Variants in LINGO2 observed in about 807,000 individuals in gnomAD.
LINGO2 encodes leucine rich repeat and Ig domain containing 2.
LINGO2 carries 14 observed loss-of-function variants against 30.6 expected under a neutral mutation model. That is an observed-to-expected ratio of 0.46 (90% CI 0.30 to 0.72). The LOEUF (loss-of-function observed/expected upper bound fraction) is 0.72, where lower values mean the gene tolerates loss of function less well. Among genes scored for constraint, LINGO2 ranks in the 30% least tolerant of loss-of-function variants. LINGO2 has a pLI of 0.07. For synonymous variants in LINGO2, 317 were observed against 288.5 expected (o/e 1.10, Z -1.00); for missense variants, 729 against 751.7 (o/e 0.97, Z 0.35).
At chr9:28,387,711 C>T (rs1821648985) in intron 2 of LINGO2, among the ~76,000 whole-genome samples, 2 of 152,158 alleles carry the variant, frequency 1.3e-5, no homozygotes, top group Non-Finnish European at 2.9e-5. Context: ...AGGTTTGCAG[C>T]TTCACTCCTG....
chr9:28,499,134 T>C (rs922474759), intron 1 of LINGO2, among the ~76,000 whole-genome samples: 44 of 152,276 alleles, frequency 2.9e-4, no homozygotes, highest in African/African-American at 9.9e-4. Flanking sequence ...GCTATAAAGT[T>C]TCCCTTCTTT....
At chr9:28,184,919 G>A (rs545067023) in intron 4 of LINGO2, among the ~76,000 whole-genome samples, 1 of 152,064 alleles carries the variant, frequency 6.6e-6, no homozygotes, top group Admixed American at 6.6e-5. Context: ...TACGGTGGCT[G>A]TTGAAAGAAA....
At chr9:28,680,202 G>A in the LINGO2 span, among the ~76,000 whole-genome samples, 10 of 151,960 alleles carry the variant, frequency 6.6e-5, no homozygotes, top group Non-Finnish European at 1.5e-4. Context: ...ACATATAAGT[G>A]AGATCATGAT....
chr9:28,630,052 G>A (rs552071855), intron 1 of LINGO2, among the ~76,000 whole-genome samples: 66 of 151,746 alleles, frequency 4.3e-4, no homozygotes, highest in Admixed American at 2.0e-3. Context: ...ATAGTTTACT[G>A]AGAATGATGA....
the LINGO2 span, among the ~76,000 whole-genome samples, chr9:28,830,930 G>A: frequency 2.0e-5 from 3 of 152,158 alleles, no homozygotes; most frequent in Non-Finnish European, 4.4e-5. Flanking sequence ...TCACACTAAC[G>A]TAATACAGAG....
Position 28,469,320 on chromosome 9 carries a change from T to A in LINGO2, c.-279+6620A>T, listed in dbSNP as rs189080322. On this transcript the variant is annotated intron_variant, in intron 2 of 5. Coordinates refer to ENST00000379992, the Ensembl canonical transcript of LINGO2. ...GTGAACAGAGCAGAACCTAAGGGACTTACAGTAAACCAATCAACAGACTGC... is the reference window on the plus strand; with the variant it reads ...GTGAACAGAGCAGAACCTAAGGGACATACAGTAAACCAATCAACAGACTGC... Among the ~76,000 whole-genome samples the A allele has an allele frequency of 1.3e-4, 20 of 149,600 alleles. No homozygotes were observed. The East Asian group carries it at 3.7e-3, about 28-fold the overall frequency.
the LINGO2 span, among the ~76,000 whole-genome samples, chr9:28,908,075 A>G: frequency 1.3e-5 from 2 of 151,900 alleles, no homozygotes; most frequent in African/African-American, 4.8e-5. Flanking sequence ...TTGCTTTTCA[A>G]TTTATTAATC....
chr9:28,381,198 G>A (rs1299459780), intron 2 of LINGO2, among the ~76,000 whole-genome samples: 2 of 151,406 alleles, frequency 1.3e-5, no homozygotes, highest in African/African-American at 2.4e-5. Context: ...CTTCAGAACA[G>A]AGCAAAAAAA....
At chr9:29,104,884 C>T in the LINGO2 span, among the ~76,000 whole-genome samples, 995 of 152,170 alleles carry the variant, frequency 6.5e-3, 15 homozygotes, top group African/African-American at 0.023. Context: ...ATAATCTAAA[C>T]TTTATGTAAG....
the LINGO2 span, among the ~76,000 whole-genome samples, chr9:28,753,473 T>C: frequency 2.6e-5 from 4 of 152,004 alleles, no homozygotes; most frequent in African/African-American, 7.3e-5. Context: ...CAAAGAAAGA[T>C]TGTATCCTAA....
the LINGO2 span, among the ~76,000 whole-genome samples, chr9:28,782,365 T>G: frequency 6.6e-6 from 1 of 152,352 alleles, no homozygotes; most frequent in East Asian, 1.9e-4. Context: ...ATTCATTCAC[T>G]GTGCATTACT....
At chr9:28,595,189 T>C (rs1379560733) in intron 1 of LINGO2, among the ~76,000 whole-genome samples, 2 of 152,084 alleles carry the variant, frequency 1.3e-5, no homozygotes, top group African/African-American at 4.8e-5. Flanking sequence ...TTCAATGATA[T>C]AAAAATAGCA....
chr9:28,577,220 C>T (rs1824033075), intron 1 of LINGO2, among the ~76,000 whole-genome samples: 1 of 152,136 alleles, frequency 6.6e-6, no homozygotes, highest in South Asian at 2.1e-4. Context: ...TTCCAGAGGT[C>T]ATAAGATTTG....
the LINGO2 span, among the ~76,000 whole-genome samples, chr9:29,149,047 T>C: frequency 6.6e-6 from 1 of 152,132 alleles, no homozygotes; most frequent in African/African-American, 2.4e-5. Flanking sequence ...CAGAGGAGGA[T>C]CCTAATTCCT....
intron 3 of LINGO2, among the ~76,000 whole-genome samples, chr9:28,363,523 C>A (rs1820538591): frequency 6.6e-6 from 1 of 152,094 alleles, no homozygotes; most frequent in South Asian, 2.1e-4. Flanking sequence ...GTTTGGGTTT[C>A]TTTAGACATA....
At chr9:29,156,103 G>C in the LINGO2 span, among the ~76,000 whole-genome samples, 1 of 152,184 alleles carries the variant, frequency 6.6e-6, no homozygotes, top group Admixed American at 6.5e-5. Context: ...TGCTACTATA[G>C]ATTGCTCTGG....
At chr9:28,029,914 C>A (rs1324552453) in intron 4 of LINGO2, among the ~76,000 whole-genome samples, 17 of 152,052 alleles carry the variant, frequency 1.1e-4, no homozygotes, top group African/African-American at 1.7e-4. Flanking sequence ...ATTCCATAGT[C>A]CCTAGAGAAA....
In LINGO2 at chr9:28,129,058, A is replaced by T. The variant is rs999122014; in HGVS notation, c.-86-116653T>A. 6.6e-6 allele frequency among the ~76,000 whole-genome samples: 1 copy of T among 152,076 alleles called. No homozygotes were observed. Among genetic ancestry groups the T allele is most frequent in the African/African-American group, 2.4e-5 (1 of 41,402 alleles). On this transcript the variant is annotated intron_variant, in intron 4 of 5. Transcript: ENST00000379992. This position sits in a 1 kb window ranked among gnomAD's most constrained non-coding sequence, Gnocchi z 4.0. The stretch of plus-strand genomic sequence containing the variant: ...GAAACATCAGACTCCAAGTTCTTTG[A>T]CTTTCGGAGTCTTGGACTTAACACC...
At chr9:28,395,731 G>A (rs1822014834) in intron 2 of LINGO2, among the ~76,000 whole-genome samples, 1 of 152,090 alleles carries the variant, frequency 6.6e-6, no homozygotes, top group Non-Finnish European at 1.5e-5. Context: ...ATCACTTCTT[G>A]AAATAAAACC....
Sources: allele counts gnomAD v4.1 joint callset (sites outside exome capture counted in the v4.1 genomes callset), GRCh38; gene constraint gnomAD v4.1.1; non-coding constraint Gnocchi (gnomAD v3.1); transcripts MANE v1.5; gene names NCBI Gene and HGNC (gene_info 2026-07-23, HGNC 2026-07-21).